The following PEMT variants were observed in gnomAD, a reference collection of about 807,000 sequenced individuals.
The protein encoded by PEMT is phosphatidylethanolamine N-methyltransferase, also known as phospholipid methyltransferase.
In PEMT, 23 loss-of-function variants were observed where a neutral mutation model predicts 27.4. That is an observed-to-expected ratio of 0.84 (90% confidence interval 0.60 to 1.19). PEMT has a LOEUF of 1.19. Among genes scored for constraint, PEMT ranks in the 50% most tolerant of loss-of-function variants. The pLI, the probability that PEMT is intolerant of heterozygous loss-of-function variation, is 0.00. For synonymous variants in PEMT, 137 were observed against 139.1 expected, an observed-to-expected ratio of 0.98 and a Z score of 0.11; for missense variants, 307 against 310.1, an observed-to-expected ratio of 0.99 and a Z score of 0.07.
chr17:17,591,335 G>T lies in PEMT; in HGVS notation c.96+196C>A, dbSNP rs959804958. ...GACACACGCAATCTGAGGTTTACAC[G>T]CGCGCGCACACGCACACACACAGAC... On this transcript the variant is annotated intron_variant, in intron 1 of 6. Transcript: ENST00000255389. 15 of 557,210 alleles carry T rather than the reference G, an allele frequency of 2.7e-5. No individual in the cohort carries two copies. The East Asian group carries it at 4.4e-4, about 16-fold the overall frequency. 34.5% of individuals were successfully genotyped at this position (557,210 alleles called of 1,614,324 possible).
chr17:17,552,910 C>A (rs1465480900), intron 2 of PEMT, among the ~76,000 whole-genome samples: 4 of 152,194 alleles, frequency 2.6e-5, no homozygotes, highest in African/African-American at 9.7e-5. Context: ...CATCCCTTGC[C>A]CCCTTTCCCC....
chr17:17,531,621 C>CAAAAAAAAAAAAAAAAAAAAAAA (rs58165466), intron 2 of PEMT, among the ~76,000 whole-genome samples: 4 of 62,382 alleles, frequency 6.4e-5, no homozygotes, highest in Non-Finnish European at 1.2e-4. Context: ...CTATCATATG[C>CAAAAAAAAAAAAAAAAAAAAAAA]AAAAAAAAAA....
chr17:17,515,068 AG>A (rs1412306335), intron 3 of PEMT, among the ~76,000 whole-genome samples: 1 of 152,126 alleles, frequency 6.6e-6, no homozygotes, highest in Non-Finnish European at 1.5e-5. Flanking sequence ...GTGCTGCAAT[AG>A]GGGGTGGGCG....
chr17:17,560,048 ACGGCCTGACC>A lies in PEMT; in HGVS notation c.204+16862_204+16871del, dbSNP rs765927356. 1.6e-3 allele frequency among the ~76,000 whole-genome samples: 250 copies of A among 152,218 alleles called. 2 individuals are homozygous for A. The highest frequency in any genetic ancestry group is 1.9e-3 in the Non-Finnish European group (127 of 68,038). On this transcript the variant is annotated intron_variant, in intron 2 of 6. Transcript: ENST00000255389. ...TCTCCAAGACAGTCACAGCGAAGCC[ACGGCCTGACC>A]TGGCCAGAAAGATCCCCGGTGACCT... is the stretch of plus-strand genomic sequence containing the variant.
intron 3 of PEMT, among the ~76,000 whole-genome samples, chr17:17,514,356 T>A (rs763426988): frequency 2.6e-5 from 4 of 152,230 alleles, no homozygotes; most frequent in Non-Finnish European, 5.9e-5. Context: ...ACAGAATGGA[T>A]GTTTAGTGCA....
chr17:17,522,659 C>A (rs1269808112), intron 2 of PEMT, among the ~76,000 whole-genome samples: 1 of 152,194 alleles, frequency 6.6e-6, no homozygotes, highest in Non-Finnish European at 1.5e-5. Flanking sequence ...CCAGACACAG[C>A]CATGAACCCA....
intron 2 of PEMT, chr17:17,565,300 C>G (rs1910758270): frequency 6.5e-6 from 1 of 152,868 alleles, no homozygotes; most frequent in Admixed American, 6.5e-5. Context: ...TCACCAGCCA[C>G]CAACACCTGC....
chr17:17,529,582 C>T (rs1597894803), intron 2 of PEMT, among the ~76,000 whole-genome samples: 1 of 152,298 alleles, frequency 6.6e-6, no homozygotes, highest in East Asian at 1.9e-4. Context: ...CACCAGCTGC[C>T]CACTTCCAGA....
intron 1 of PEMT, among the ~76,000 whole-genome samples, chr17:17,586,216 AAAAGAAAGAAAG>A (rs745534134): frequency 0.012 from 974 of 79,314 alleles, 20 homozygotes; most frequent in South Asian, 0.021. Flanking sequence ...GAAAGAAAGA[AAAAGAAAGAAAG>A]AAAGAAAGAA....
At chr17:17,554,673 T>G (rs1278707391) in intron 2 of PEMT, among the ~76,000 whole-genome samples, 3 of 152,160 alleles carry the variant, frequency 2.0e-5, no homozygotes, top group Non-Finnish European at 4.4e-5. Flanking sequence ...TGGAGTGTAG[T>G]GACAGGATCT....
chr17:17,569,785 T>C (rs951289727), intron 2 of PEMT, among the ~76,000 whole-genome samples: 3 of 152,204 alleles, frequency 2.0e-5, no homozygotes, highest in Non-Finnish European at 4.4e-5. Flanking sequence ...CACTTTGCTC[T>C]TGTAAATAAC....
At chr17:17,528,990 C>T (rs1907900755) in intron 2 of PEMT, among the ~76,000 whole-genome samples, 3 of 152,362 alleles carry the variant, frequency 2.0e-5, no homozygotes, top group Non-Finnish European at 1.5e-5. Flanking sequence ...CTGTCCACAC[C>T]GCGCATCCCA....
intron 4 of PEMT, among the ~76,000 whole-genome samples, chr17:17,510,222 C>T (rs962202846): frequency 5.3e-5 from 8 of 152,194 alleles, no homozygotes; most frequent in South Asian, 2.1e-4. Context: ...ACCCGTCAGC[C>T]GCACAGCCAC....
At chr17:17,544,672 A>G (rs1289629512) in intron 2 of PEMT, among the ~76,000 whole-genome samples, 1 of 152,166 alleles carries the variant, frequency 6.6e-6, no homozygotes, top group African/African-American at 2.4e-5. Context: ...ACAGGTGCTC[A>G]TGAACATCTG....
intron 4 of PEMT, among the ~76,000 whole-genome samples, chr17:17,510,962 G>A (rs989518676): frequency 6.6e-6 from 1 of 152,104 alleles, no homozygotes; most frequent in African/African-American, 2.4e-5. Flanking sequence ...CATCCTGGAA[G>A]GGCCCCTCCA....
intron 2 of PEMT, among the ~76,000 whole-genome samples, chr17:17,565,480 G>A (rs1359777723): frequency 6.6e-6 from 1 of 152,274 alleles, no homozygotes; most frequent in African/African-American, 2.4e-5. Flanking sequence ...GGGCAGCCTA[G>A]CACTTACCGT....
chr17:17,574,123 T>C (rs1423972214), intron 2 of PEMT, among the ~76,000 whole-genome samples: 1 of 151,852 alleles, frequency 6.6e-6, no homozygotes, highest in African/African-American at 2.4e-5. Flanking sequence ...AACTGCAACA[T>C]GTTTCTTAAC....
At chr17:17,526,500 C>T (rs1012010162) in intron 2 of PEMT, among the ~76,000 whole-genome samples, 1 of 152,260 alleles carries the variant, frequency 6.6e-6, no homozygotes, top group South Asian at 2.1e-4. Context: ...ATGAAAGGCT[C>T]CTAGCCCTGG....
chr17:17,518,136 A>G, intron 3 of PEMT: 1 of 985,480 alleles, frequency 1.0e-6, no homozygotes, highest in Non-Finnish European at 1.2e-6. Flanking sequence ...TGTGCGCTGG[A>G]GCACAGTTCC....
Sources: gnomAD v4.1 joint callset for allele counts (sites outside exome capture counted in the v4.1 genomes callset) on GRCh38, gnomAD v4.1.1 for gene constraint, MANE v1.5 for transcripts, NCBI Gene and HGNC (gene_info 2026-07-23, HGNC 2026-07-21) for gene names.